LRRK1: variants seen among roughly 807,000 people sequenced by gnomAD.
LRRK1 encodes leucine-rich repeat serine/threonine-protein kinase 1.
In LRRK1, 113 loss-of-function variants were observed where a neutral mutation model predicts 209.1. That is an observed-to-expected ratio of 0.54 (90% CI 0.46 to 0.63). The LOEUF is 0.63. Among genes scored for constraint, LRRK1 ranks in the 30% least tolerant of loss-of-function variants. The pLI is 0.00. For synonymous variants in LRRK1, 1,144 were observed against 1,099.7 expected (o/e 1.04, Z -0.80); for missense variants, 2,284 against 2,632.2 (o/e 0.87, Z 2.89).
At chr15:100,977,766 T>C (rs575193026) in intron 3 of LRRK1, among the ~76,000 whole-genome samples, 2 of 152,128 alleles carry the variant, frequency 1.3e-5, no homozygotes, top group East Asian at 1.9e-4. Context: ...ACACACAAGA[T>C]TGAAGTAAGA....
rs146946347 is a variant in LRRK1 at position 100,950,628 on chromosome 15, A to G, written c.98-23176A>G. 7.9e-3 allele frequency among the ~76,000 whole-genome samples: 1,198 copies of G among 152,380 alleles called. 18 individuals are homozygous for G. The highest frequency in any genetic ancestry group is 0.027 in the African/African-American group (1,139 of 41,590). On this transcript the variant is annotated intron_variant, in intron 2 of 33. Coordinates refer to ENST00000388948, the MANE Select transcript of LRRK1 (RefSeq NM_024652.6). ...ACCAAAAACACAAGCGACAAAAGGAAAAATAGGTAGTAAGTTGGACTTCAT... is the reference window on the plus strand; with the variant it reads ...ACCAAAAACACAAGCGACAAAAGGAGAAATAGGTAGTAAGTTGGACTTCAT...
intron 3 of LRRK1, among the ~76,000 whole-genome samples, chr15:100,980,845 G>A (rs1293131447): frequency 1.3e-5 from 2 of 152,230 alleles, no homozygotes; most frequent in African/African-American, 2.4e-5. Context: ...CTGGGCACAG[G>A]TGATGTCCTG....
At chr15:100,951,964 A>AT (rs1555460103) in intron 2 of LRRK1, among the ~76,000 whole-genome samples, 2,019 of 146,532 alleles carry the variant, frequency 0.014, 42 homozygotes, top group African/African-American at 0.047. Context: ...AGAAAAAAAA[A>AT]AATAATAATA....
In LRRK1 at chr15:101,068,902, T is replaced by C; in HGVS notation, c.*54T>C. On this transcript the variant is annotated 3_prime_UTR_variant, in exon 34 of 34. Transcript: ENST00000388948. ...AGCTGGCTGGCCCGGGGCTGCAGCC[T>C]GACCCCTCTGCCATCGGCCTCTAGT... is the stretch of plus-strand genomic sequence containing the variant. 4 of 1,498,510 alleles carry C rather than the reference T, an allele frequency of 2.7e-6. No individual in the cohort carries two copies. The highest frequency in any genetic ancestry group is 3.6e-6 in the Non-Finnish European group (4 of 1,112,856). 92.8% of individuals were successfully genotyped at this position (1,498,510 alleles called of 1,614,324 possible). A position where few individuals can be genotyped will look rare whatever the true frequency, so the allele number is the denominator to read the frequency against.
chr15:101,068,752 C>T lies in LRRK1; in HGVS notation c.5952C>T (p.Ala1984=), dbSNP rs1308600639. 6.2e-6 allele frequency: 10 copies of T among 1,613,948 alleles called. 1 individual carries two copies. The highest frequency in any genetic ancestry group is 5.5e-5 in the South Asian group (5 of 91,064). The change falls in exon 34 of 34, where the codon GCC becomes GCT. Residue 1984 remains alanine (A), a synonymous_variant. Coordinates refer to ENST00000388948, the MANE Select transcript of LRRK1 (RefSeq NM_024652.6). Reference sequence around the variant, plus strand: ...ATGAAAACACAGAGTGGTGCCTGGCCGTCTGGAGGGGCTGGGGCGCCAGGG... The same window carrying T: ...ATGAAAACACAGAGTGGTGCCTGGCTGTCTGGAGGGGCTGGGGCGCCAGGG... ...FENENTEWCL[A]VWRGWGAREF... is the part of the protein sequence containing the mutation.
At chr15:101,013,525 G>T (rs1043312330) in intron 10 of LRRK1, among the ~76,000 whole-genome samples, 1 of 152,120 alleles carries the variant, frequency 6.6e-6, no homozygotes, top group Admixed American at 6.5e-5. Flanking sequence ...AAAATGGGGG[G>T]ACTGCTTGAG....
At chr15:100,959,112 G>A (rs2042821517) in intron 2 of LRRK1, among the ~76,000 whole-genome samples, 1 of 152,200 alleles carries the variant, frequency 6.6e-6, no homozygotes, top group South Asian at 2.1e-4. Flanking sequence ...TCTTGGAAAG[G>A]AAAATTTAGA....
intron 2 of LRRK1, among the ~76,000 whole-genome samples, chr15:100,955,858 A>AT (rs1319134500): frequency 1.3e-5 from 2 of 152,000 alleles, no homozygotes; most frequent in Admixed American, 6.6e-5. Context: ...ATGGTGTATG[A>AT]TTTTTTTAAT....
chr15:100,948,340 C>A (rs2042581806), intron 2 of LRRK1, among the ~76,000 whole-genome samples: 1 of 152,194 alleles, frequency 6.6e-6, no homozygotes, highest in South Asian at 2.1e-4. Flanking sequence ...GGGACACCTC[C>A]TCATGGGTTT....
At chr15:100,978,933 G>A (rs1331380183) in intron 3 of LRRK1, among the ~76,000 whole-genome samples, 1 of 151,826 alleles carries the variant, frequency 6.6e-6, no homozygotes, top group East Asian at 1.9e-4. Flanking sequence ...CAAAGACAGT[G>A]TTAAAAAAAG....
intron 28 of LRRK1, 106 bp downstream of exon 28, chr15:101,057,156 C>A: frequency 1.1e-6 from 1 of 887,116 alleles, no homozygotes; most frequent in Non-Finnish European, 1.7e-6. Context: ...CCATTGGCAA[C>A]CCTTCTCTGC....
intron 23 of LRRK1, among the ~76,000 whole-genome samples, chr15:101,051,388 T>G (rs1395006766): frequency 6.6e-6 from 1 of 152,232 alleles, no homozygotes; most frequent in Admixed American, 6.5e-5. Context: ...TAGTCTGCGA[T>G]GACCTGTTAG....
At chr15:101,025,845 T>C (rs569140559) in intron 16 of LRRK1, 120 bp from the exon 17 acceptor site, 2 of 987,236 alleles carry the variant, frequency 2.0e-6, no homozygotes, top group Non-Finnish European at 3.0e-6. Flanking sequence ...AGGCTGCAGA[T>C]TGGTGGCTGA....
intron 2 of LRRK1, among the ~76,000 whole-genome samples, chr15:100,941,083 C>T (rs2042391697): frequency 6.6e-6 from 1 of 152,124 alleles, no homozygotes; most frequent in African/African-American, 2.4e-5. Flanking sequence ...CCCTTGGCTA[C>T]ATAAAGAGGA....
intron 2 of LRRK1, among the ~76,000 whole-genome samples, chr15:100,953,663 C>G (rs561444761): frequency 6.6e-6 from 1 of 152,048 alleles, no homozygotes; most frequent in Non-Finnish European, 1.5e-5. Context: ...GATATCTCTT[C>G]GAGATACTGA....
At chr15:101,010,051 C>T (rs1292343390) in intron 7 of LRRK1, among the ~76,000 whole-genome samples, 2 of 152,190 alleles carry the variant, frequency 1.3e-5, no homozygotes, top group Admixed American at 1.3e-4. Flanking sequence ...GGGAAAGAAG[C>T]CTGCACACCA....
At chr15:100,926,981 G>A (rs932633694) in intron 2 of LRRK1, among the ~76,000 whole-genome samples, 3 of 152,130 alleles carry the variant, frequency 2.0e-5, no homozygotes, top group Non-Finnish European at 4.4e-5. Flanking sequence ...CACGGCGCCC[G>A]GCCAGCATGG....
At chr15:101,032,621 G>A (rs957977204) in intron 20 of LRRK1, among the ~76,000 whole-genome samples, 2 of 151,982 alleles carry the variant, frequency 1.3e-5, no homozygotes, top group African/African-American at 4.8e-5. Context: ...TCTTCTAGAA[G>A]GTTTGTAGTT....
rs2035302884 is a variant in LRRK1 at position 101,049,862 on chromosome 15, G to A, written c.3439+79G>A. ...TCAGGGTGGGGCTGCTGCTTTCGGG[G>A]TGGACAAAAATCCCACTGGGATTCA... On this transcript the variant is annotated intron_variant, in intron 23 of 33. Coordinates refer to ENST00000388948, the MANE Select transcript of LRRK1 (RefSeq NM_024652.6). The A allele has an allele frequency of 6.8e-6, 10 of 1,472,972 alleles. No homozygotes were observed. The East Asian group carries it at 2.4e-4, about 35-fold the overall frequency. 91.2% of individuals were successfully genotyped at this position (1,472,972 alleles called of 1,614,324 possible).
Sources: gnomAD v4.1 joint callset for allele counts (sites outside exome capture counted in the v4.1 genomes callset) on GRCh38, gnomAD v4.1.1 for gene constraint, MANE v1.5 for transcripts, NCBI Gene and HGNC (gene_info 2026-07-23, HGNC 2026-07-21) for gene names.